The following DNAH5 variants were observed in gnomAD, a reference collection of about 807,000 sequenced individuals.
DNAH5 encodes axonemal beta dynein heavy chain 5.
In DNAH5, 372 loss-of-function variants were observed where a neutral mutation model predicts 518.2. That is an observed-to-expected ratio of 0.72 (90% CI 0.66 to 0.78). DNAH5 has a LOEUF of 0.78. Among genes scored for constraint, DNAH5 ranks in the 30% least tolerant of loss-of-function variants. DNAH5 has a pLI of 0.00. For synonymous variants in DNAH5, 2,039 were observed against 2,025.9 expected (o/e 1.01, Z -0.17); for missense variants, 5,523 against 5,687.0 (o/e 0.97, Z 0.93).
At chr5:13,836,500 T>C (rs1402570380) in intron 35 of DNAH5, among the ~76,000 whole-genome samples, 2 of 152,102 alleles carry the variant, frequency 1.3e-5, no homozygotes, top group Non-Finnish European at 2.9e-5. Context: ...CTGGAAGCCA[T>C]GTGATGAAAG....
intron 55 of DNAH5, among the ~76,000 whole-genome samples, chr5:13,775,871 T>C (rs1754013974): frequency 6.6e-6 from 1 of 151,826 alleles, no homozygotes; most frequent in South Asian, 2.1e-4. Context: ...AAAACTACTG[T>C]CCTGAATCAG....
chr5:13,833,211 C>T (rs1361237662), intron 35 of DNAH5, among the ~76,000 whole-genome samples: 3 of 150,950 alleles, frequency 2.0e-5, no homozygotes, highest in Non-Finnish European at 2.9e-5. Context: ...GAGGCCGAGG[C>T]GGATGGATCA....
At chr5:13,852,324 T>A (rs1275099725) in intron 30 of DNAH5, among the ~76,000 whole-genome samples, 4 of 152,136 alleles carry the variant, frequency 2.6e-5, no homozygotes, top group Non-Finnish European at 5.9e-5. Context: ...TGTGCCACCA[T>A]GCCTGGCTAA....
chr5:13,980,234 C>T (rs1265742389), intron 1 of DNAH5, among the ~76,000 whole-genome samples: 1 of 152,080 alleles, frequency 6.6e-6, no homozygotes, highest in African/African-American at 2.4e-5. Context: ...AGTCTCTCAC[C>T]CCTCAGACCT....
At chr5:13,842,328 C>T (rs1343576226) in intron 32 of DNAH5, among the ~76,000 whole-genome samples, 3 of 150,994 alleles carry the variant, frequency 2.0e-5, no homozygotes, top group East Asian at 2.0e-4. Context: ...TGCAGTGAGC[C>T]GAGATCATGC....
rs534254367 is a variant in DNAH5, at chr5:13,807,763, A to T, written c.7753-38T>A. On this transcript the variant is annotated intron_variant, in intron 46 of 78. Transcript: ENST00000265104. ...GAATTGAAAAAAAAAGAAATGAAAT[A>T]AATGAGTGTGATGGGCTGAATTTGT... 60 of 1,561,526 alleles carry T rather than the reference A, an allele frequency of 3.8e-5. No homozygotes were observed. In the South Asian group the frequency reaches 6.8e-4, roughly 18 times the overall value.
At chr5:13,937,003 A>G (rs545817422) in intron 1 of DNAH5, among the ~76,000 whole-genome samples, 134 of 152,074 alleles carry the variant, frequency 8.8e-4, no homozygotes, top group African/African-American at 3.1e-3. Flanking sequence ...TCATTTGCTC[A>G]CTATGTTTTG....
chr5:13,725,341 G>A (rs1745576036), intron 70 of DNAH5, among the ~76,000 whole-genome samples: 1 of 152,206 alleles, frequency 6.6e-6, no homozygotes, highest in Non-Finnish European at 1.5e-5. Flanking sequence ...CAGAGCATGT[G>A]CATTCTATGC....
chr5:13,948,794 TAG>T (rs3058986), upstream of DNAH5, among the ~76,000 whole-genome samples: 129,461 of 151,930 alleles, frequency 0.85, 56,669 homozygotes, highest in East Asian at 0.95. Context: ...AAGGATGAAG[TAG>T]AGAGAGACTG....
chr5:13,962,725 G>A (rs560439848), intron 1 of DNAH5, among the ~76,000 whole-genome samples: 1 of 152,276 alleles, frequency 6.6e-6, no homozygotes, highest in South Asian at 2.1e-4. Flanking sequence ...GGGATGGAAC[G>A]GGTTCTCCCT....
chr5:13,873,648 T>A (rs1770456766), intron 22 of DNAH5, among the ~76,000 whole-genome samples: 2 of 151,304 alleles, frequency 1.3e-5, no homozygotes, highest in African/African-American at 2.5e-5. Context: ...TGTCTTTTTT[T>A]ATTTAATTAC....
intron 9 of DNAH5, among the ~76,000 whole-genome samples, chr5:13,915,131 C>T (rs1244936653): frequency 1.3e-5 from 2 of 152,034 alleles, no homozygotes; most frequent in Admixed American, 1.3e-4. Context: ...TTCATCTCTC[C>T]AAACTTCACA....
At chr5:13,756,307 T>C (rs888980072) in intron 61 of DNAH5, among the ~76,000 whole-genome samples, 3 of 152,014 alleles carry the variant, frequency 2.0e-5, no homozygotes, top group Admixed American at 2.0e-4. Flanking sequence ...TGACTGAAGA[T>C]CAAGTTCAGA....
chr5:13,824,352 A>G lies in DNAH5; in HGVS notation c.6445-19T>C. 6.2e-7 allele frequency: 1 copy of G among 1,613,656 alleles called. No individual in the cohort carries two copies. Among genetic ancestry groups the G allele is most frequent in the Non-Finnish European group, 8.5e-7 (1 of 1,179,628 alleles). ...AATGAACCTAGAGAATGTGAGATAC[A>G]TTGGGCTTATTTTCAACATTAAAAT... On this transcript the variant is annotated intron_variant, in intron 38 of 78. Coordinates refer to ENST00000265104, the MANE Select transcript of DNAH5 (RefSeq NM_001369.3).
intron 1 of DNAH5, among the ~76,000 whole-genome samples, chr5:13,977,423 G>A (rs1275468839): frequency 6.6e-6 from 1 of 152,114 alleles, no homozygotes; most frequent in Non-Finnish European, 1.5e-5. Flanking sequence ...AGACCGAAAG[G>A]CTTATAAACA....
At chr5:13,977,271 C>T (rs1782325970) in intron 1 of DNAH5, among the ~76,000 whole-genome samples, 1 of 152,148 alleles carries the variant, frequency 6.6e-6, no homozygotes, top group Non-Finnish European at 1.5e-5. Context: ...CAGGTGGAGG[C>T]TTGCCCAGGA....
intron 12 of DNAH5, 67 bp from the exon 13 acceptor site, chr5:13,902,205 A>G (rs1774725129): frequency 8.5e-7 from 1 of 1,181,582 alleles, no homozygotes; most frequent in African/African-American, 1.5e-5. Flanking sequence ...AACAAGATAA[A>G]AGAGCTTTCC....
rs781466090 is a variant in DNAH5, at chr5:13,864,402, T to A, written c.4591A>T (p.Ile1531Leu). 1.2e-5 allele frequency: 19 copies of A among 1,613,934 alleles called. No individual in the cohort carries two copies. The highest frequency in any genetic ancestry group is 1.7e-4 in the Middle Eastern group (1 of 5,880). Residue 1531 changes from isoleucine to leucine, a missense_variant, in exon 28 of 79, where the codon ATA becomes TTA. Physicochemically the swap from Ile to Leu is conservative, Grantham distance 5 (BLOSUM62 2). Around this residue, in one of 3 missense-constraint regions of DNAH5, gnomAD observed 5,121 missense variants for 5,223.3 expected, o/e 0.98. Transcript: ENST00000265104. ...TCCATCACATCATACTCTACCTCTA[T>A]TTCCTCTTTATATTTCAGAAGAGGT... Reference protein sequence around the residue: ...EAPLLKYKEEIEDICISAVKE... With the variant: ...EAPLLKYKEELEDICISAVKE...
intron 24 of DNAH5, among the ~76,000 whole-genome samples, chr5:13,870,044 C>A (rs1769848261): frequency 6.6e-6 from 1 of 150,808 alleles, no homozygotes; most frequent in Admixed American, 6.6e-5. Flanking sequence ...GACTTCACTG[C>A]AAAAAAAAGA....
Sources: gnomAD v4.1 joint callset for allele counts (sites outside exome capture counted in the v4.1 genomes callset) on GRCh38, gnomAD v4.1.1 for gene constraint, gnomAD v4.1.1 regional missense constraint, MANE v1.5 for transcripts, NCBI Gene and HGNC (gene_info 2026-07-23, HGNC 2026-07-21) for gene names.